Variants in CACNB2 observed in about 807,000 individuals in gnomAD.
CACNB2 encodes the protein voltage-dependent L-type calcium channel subunit beta-2.
In CACNB2, 42 loss-of-function variants were observed where a neutral mutation model predicts 73.3. The observed-to-expected ratio is 0.57, with a 90% CI of 0.45 to 0.74. CACNB2 has a LOEUF of 0.74. Ranked by LOEUF, CACNB2 falls within the 30% of genes least tolerant of loss-of-function variation. The probability of loss-of-function intolerance (pLI) is 0.00; values close to 1 mark genes in which losing one functional copy is unlikely to be tolerated. For synonymous variants in CACNB2, 348 were observed against 310.3 expected, an observed-to-expected ratio of 1.12 and a Z score of -1.28; for missense variants, 940 against 853.0, an observed-to-expected ratio of 1.10 and a Z score of -1.27.
intron 2 of CACNB2, among the ~76,000 whole-genome samples, chr10:18,176,598 T>A (rs2033604536): frequency 6.6e-6 from 1 of 151,084 alleles, no homozygotes; most frequent in African/African-American, 2.4e-5. Context: ...TTTCCTGGCA[T>A]TGAAGGAACA....
Position 18,401,985 on chromosome 10 carries a change from G to C in CACNB2, c.275G>C (p.Arg92Pro). The stretch of plus-strand genomic sequence containing the variant: ...TCCGATGTATCTCTGGAGGAGGACC[G>C]GGAGGCAGTGCGCAGAGAAGCGGAG... ...SDSDVSLEEDREAVRREAERQ... is the reference protein window; with the variant it reads ...SDSDVSLEEDPEAVRREAERQ... Residue 92 changes from arginine to proline, a missense_variant, in exon 3 of 14, where the codon CGG (arginine) becomes CCG (proline). By Grantham distance (103) the Arg-to-Pro change is moderately radical. Transcript: ENST00000324631. The C allele has an allele frequency of 6.2e-7, 1 of 1,613,978 alleles. No individual in the cohort carries two copies. The highest frequency in any genetic ancestry group is 8.5e-7 in the Non-Finnish European group (1 of 1,179,898).
At chr10:18,467,655 T>C (rs995134426) in intron 3 of CACNB2, among the ~76,000 whole-genome samples, 5 of 152,192 alleles carry the variant, frequency 3.3e-5, no homozygotes, top group African/African-American at 1.2e-4. Flanking sequence ...CTATTCTCCA[T>C]TGACAGTGGC....
At chr10:18,412,408 C>G (rs577281644) in intron 3 of CACNB2, among the ~76,000 whole-genome samples, 11 of 152,306 alleles carry the variant, frequency 7.2e-5, no homozygotes, top group South Asian at 4.1e-4. Flanking sequence ...TCCCTTCTGT[C>G]CTATTTTTTT....
chr10:18,358,535 T>G (rs1209805846), intron 2 of CACNB2, among the ~76,000 whole-genome samples: 2 of 34,186 alleles, frequency 5.9e-5, no homozygotes, highest in Admixed American at 3.8e-4. Flanking sequence ...TCTCTCTCTC[T>G]CTCTCTCTCT....
At chr10:18,444,185 G>T (rs2046619685) in intron 3 of CACNB2, among the ~76,000 whole-genome samples, 1 of 152,122 alleles carries the variant, frequency 6.6e-6, no homozygotes, top group African/African-American at 2.4e-5. Flanking sequence ...GAGGTGATGA[G>T]CTCATGAGGG....
chr10:18,200,350 G>C (rs1262582704), intron 2 of CACNB2, among the ~76,000 whole-genome samples: 3 of 151,598 alleles, frequency 2.0e-5, no homozygotes, highest in African/African-American at 7.3e-5. Context: ...TCCATATATT[G>C]TACTAATTTA....
intron 3 of CACNB2, among the ~76,000 whole-genome samples, chr10:18,448,485 A>T (rs2046850015): frequency 6.8e-6 from 1 of 146,784 alleles, no homozygotes; most frequent in South Asian, 2.2e-4. Context: ...CATTTAAAAA[A>T]AAAAAAAAAA....
chr10:18,503,846 C>G (rs545319621), intron 5 of CACNB2, among the ~76,000 whole-genome samples: 50 of 152,084 alleles, frequency 3.3e-4, no homozygotes, highest in African/African-American at 1.1e-3. Context: ...TTTTTTATAG[C>G]CTTTTAATGT....
chr10:18,417,926 A>AG (rs1336684768), intron 3 of CACNB2, among the ~76,000 whole-genome samples: 2 of 152,076 alleles, frequency 1.3e-5, no homozygotes, highest in Non-Finnish European at 2.9e-5. Flanking sequence ...TAAGGGGAAA[A>AG]AAACGAAAGG....
chr10:18,429,400 T>C (rs912675221), intron 3 of CACNB2, among the ~76,000 whole-genome samples: 7 of 152,170 alleles, frequency 4.6e-5, no homozygotes, highest in Non-Finnish European at 1.0e-4. Context: ...TCGGATTCAT[T>C]GTGCCTCCTG....
intron 2 of CACNB2, among the ~76,000 whole-genome samples, chr10:18,311,225 C>G (rs578027664): frequency 6.6e-6 from 1 of 152,126 alleles, no homozygotes; most frequent in East Asian, 1.9e-4. Flanking sequence ...TCTGCTTTTA[C>G]TTATTTGTCC....
intron 4 of CACNB2, among the ~76,000 whole-genome samples, chr10:18,499,351 C>G (rs11014515): frequency 0.032 from 4,815 of 152,264 alleles, 121 homozygotes; most frequent in Middle Eastern, 0.058. Flanking sequence ...GGCCCGGTGG[C>G]TCATGCCTGT....
At chr10:18,367,133 T>A (rs566981584) in intron 2 of CACNB2, among the ~76,000 whole-genome samples, 11 of 152,336 alleles carry the variant, frequency 7.2e-5, no homozygotes, top group South Asian at 4.1e-4. Flanking sequence ...ATCATTTTTT[T>A]AACCATTTCC....
At chr10:18,150,605 G>A (rs955203298) in intron 1 of CACNB2, among the ~76,000 whole-genome samples, 4 of 152,206 alleles carry the variant, frequency 2.6e-5, no homozygotes, top group Non-Finnish European at 4.4e-5. Context: ...GGAGGTTGCG[G>A]TGAGCCAAGA....
At chr10:18,196,282 C>G (rs1292845878) in intron 2 of CACNB2, among the ~76,000 whole-genome samples, 3 of 143,904 alleles carry the variant, frequency 2.1e-5, no homozygotes. Flanking sequence ...GCAGCACCAC[C>G]ACCAACAAAA....
At chr10:18,422,317 C>T (rs1030368165) in intron 3 of CACNB2, among the ~76,000 whole-genome samples, 1 of 152,222 alleles carries the variant, frequency 6.6e-6, no homozygotes, top group East Asian at 1.9e-4. Flanking sequence ...CAGTAGCTCT[C>T]TTGAGGGAAT....
intron 2 of CACNB2, among the ~76,000 whole-genome samples, chr10:18,384,738 A>C (rs2043154112): frequency 6.7e-6 from 1 of 149,504 alleles, no homozygotes; most frequent in South Asian, 2.2e-4. Flanking sequence ...TCAAAACAAC[A>C]ACAACAAACA....
chr10:18,468,626 T>C (rs1342616986), intron 3 of CACNB2, among the ~76,000 whole-genome samples: 1 of 151,982 alleles, frequency 6.6e-6, no homozygotes, highest in African/African-American at 2.4e-5. Context: ...TGAGACGGAG[T>C]TTTACTCCTG....
At chr10:18,307,978 G>A (rs899053901) in intron 2 of CACNB2, among the ~76,000 whole-genome samples, 1 of 74,280 alleles carries the variant, frequency 1.3e-5, no homozygotes, top group African/African-American at 5.5e-5. Context: ...AATAATATAT[G>A]CCAACTTTTT....
Sources: allele counts gnomAD v4.1 joint callset (sites outside exome capture counted in the v4.1 genomes callset), GRCh38; gene constraint gnomAD v4.1.1; transcripts MANE v1.5; gene names NCBI Gene and HGNC (gene_info 2026-07-23, HGNC 2026-07-21).